CACNG4: variants seen among roughly 807,000 people sequenced by gnomAD.
CACNG4 encodes calcium voltage-gated channel auxiliary subunit gamma 4, also known as voltage-dependent calcium channel gamma-4 subunit.
Under a neutral mutation model 22.9 loss-of-function variants are expected in CACNG4, and 8 were observed. That is an observed-to-expected ratio of 0.35 (90% CI 0.21 to 0.63). CACNG4 has a LOEUF of 0.63. CACNG4 is among the 30% of genes least tolerant of loss of function. The pLI, the probability that CACNG4 is intolerant of heterozygous loss-of-function variation, is 0.72. For missense variants in CACNG4, 357 were observed against 455.4 expected, an observed-to-expected ratio of 0.78 and a Z score of 1.97; for synonymous variants, 188 against 191.9, an observed-to-expected ratio of 0.98 and a Z score of 0.17.
intron 3 of CACNG4, among the ~76,000 whole-genome samples, chr17:67,025,267 G>A (rs574623916): frequency 1.3e-5 from 2 of 152,352 alleles, no homozygotes; most frequent in African/African-American, 4.8e-5. Context: ...AAAGCCACTG[G>A]ATTGTGCCCT....
At chr17:66,972,441 C>G (rs751327188) in intron 1 of CACNG4, among the ~76,000 whole-genome samples, 1 of 152,192 alleles carries the variant, frequency 6.6e-6, no homozygotes, top group African/African-American at 2.4e-5. Context: ...ACCAGTAGCG[C>G]TCCTCCTTCT....
chr17:66,981,936 TA>T lies in CACNG4; in HGVS notation c.220+16814del, dbSNP rs996824559. Among the ~76,000 whole-genome samples the T allele has an allele frequency of 2.0e-3, 304 of 152,096 alleles. 3 individuals carry two copies. The highest frequency in any genetic ancestry group is 6.8e-3 in the Middle Eastern group (2 of 294). ...ATTGCAGAAAGAGAGCTAACTCTTA[TA>T]AAAAAAAATTTTTAGAGATACGGTC... On this transcript the variant is annotated intron_variant, in intron 1 of 3. Transcript: ENST00000262138.
intron 1 of CACNG4, among the ~76,000 whole-genome samples, chr17:66,972,447 C>T (rs1160784708): frequency 1.3e-5 from 2 of 152,234 alleles, no homozygotes; most frequent in Non-Finnish European, 2.9e-5. Context: ...AGCGCTCCTC[C>T]TTCTCCAGCT....
At position 67,030,381 on chromosome 17, in the gene CACNG4, C is replaced by T. The variant is rs2143381570; in HGVS notation, c.446-85C>T. 8.7e-7 allele frequency: 1 copy of T among 1,153,366 alleles called. No homozygotes were observed. The highest frequency in any genetic ancestry group is 1.3e-6 in the Non-Finnish European group (1 of 788,676). The allele number at this position is 1,153,366 out of a possible 1,614,324, so 71.4% of individuals were successfully genotyped here. Reference sequence around the variant, plus strand: ...TCAGAGAGGGGAGTGTCCACCTGTTCCCTACACTGCCCGTCCCACTGTGGG... The same window carrying T: ...TCAGAGAGGGGAGTGTCCACCTGTTTCCTACACTGCCCGTCCCACTGTGGG... On this transcript the variant is annotated intron_variant, in intron 3 of 3. Transcript: ENST00000262138. The surrounding 1 kb of genome is among the most constrained non-coding windows in gnomAD (Gnocchi z 6.4).
At chr17:66,995,716 G>T (rs1331488928) in intron 1 of CACNG4, among the ~76,000 whole-genome samples, 2 of 152,100 alleles carry the variant, frequency 1.3e-5, no homozygotes, top group Non-Finnish European at 1.5e-5. Flanking sequence ...TGGGTGTGAT[G>T]GTGGGCACCT....
chr17:67,025,319 C>T (rs1477380367), intron 3 of CACNG4, among the ~76,000 whole-genome samples: 9 of 152,218 alleles, frequency 5.9e-5, no homozygotes, highest in Admixed American at 4.6e-4. Flanking sequence ...TCACCTCAAC[C>T]GGAAAATAAG....
chr17:66,965,570 G>A (rs1485521510), intron 1 of CACNG4, among the ~76,000 whole-genome samples: 1 of 150,398 alleles, frequency 6.6e-6, no homozygotes, highest in African/African-American at 2.4e-5. Flanking sequence ...ACGGGAGGGG[G>A]GGAGGGGTTG....
chr17:66,982,249 C>G (rs1261763270), intron 1 of CACNG4, among the ~76,000 whole-genome samples: 1 of 152,210 alleles, frequency 6.6e-6, no homozygotes, highest in Non-Finnish European at 1.5e-5. Context: ...CGCCCATGTC[C>G]TGCTGATTGG....
At chr17:67,017,952 C>CCATTA (rs2035510112) in intron 1 of CACNG4, among the ~76,000 whole-genome samples, 1 of 152,132 alleles carries the variant, frequency 6.6e-6, no homozygotes, top group East Asian at 1.9e-4. Flanking sequence ...CTCTCACGTG[C>CCATTA]GTCCACCCTT....
intron 1 of CACNG4, among the ~76,000 whole-genome samples, chr17:66,978,402 AGAGT>A (rs1473595758): frequency 6.6e-6 from 1 of 152,204 alleles, no homozygotes; most frequent in Non-Finnish European, 1.5e-5. Flanking sequence ...GAGGGGACCC[AGAGT>A]GAAGATGGGT....
intron 1 of CACNG4, among the ~76,000 whole-genome samples, chr17:67,004,471 G>A (rs922127197): frequency 6.6e-5 from 10 of 152,128 alleles, no homozygotes; most frequent in Non-Finnish European, 1.3e-4. Context: ...TGGGGCTGGT[G>A]CTCAGCATCC....
At position 67,031,746 on chromosome 17, in the gene CACNG4, G is replaced by A; in HGVS notation, c.*742G>A. On this transcript the variant is annotated 3_prime_UTR_variant, in exon 4 of 4. Coordinates refer to ENST00000262138, the MANE Select transcript of CACNG4 (RefSeq NM_014405.4). The surrounding 1 kb of genome is among the most constrained non-coding windows in gnomAD (Gnocchi z 4.0). ...TTTCTGCCTCACTCAGAATGGGCAG[G>A]ACAGACCCACTGACTGGACTTCAGA... The A allele has an allele frequency of 4.4e-6, 2 of 456,758 alleles. No individual in the cohort carries two copies. The highest frequency in any genetic ancestry group is 7.0e-5 in the East Asian group (1 of 14,380). 28.3% of individuals were successfully genotyped at this position (456,758 alleles called of 1,614,324 possible).
rs187340556 is a variant in CACNG4, at chr17:66,994,435, C to A, written c.221-23754C>A. ...CCTCGCGTGTTTGCCTTGCCCTCAC[C>A]CTGGGAGATAGATCTTGTCATTATC... On this transcript the variant is annotated intron_variant, in intron 1 of 3. Transcript: ENST00000262138. Among the ~76,000 whole-genome samples the A allele has an allele frequency of 3.9e-5, 6 of 152,288 alleles. No individual in the cohort carries two copies. In the East Asian group the frequency reaches 7.7e-4, roughly 20 times the overall value.
At chr17:66,977,951 G>A (rs970540958) in intron 1 of CACNG4, among the ~76,000 whole-genome samples, 3 of 152,154 alleles carry the variant, frequency 2.0e-5, no homozygotes, top group East Asian at 1.9e-4. Context: ...CGTCCTAGAC[G>A]TTAGGGGCTC....
chr17:67,004,375 G>T (rs1002065117), intron 1 of CACNG4, among the ~76,000 whole-genome samples: 3 of 152,174 alleles, frequency 2.0e-5, no homozygotes, highest in Admixed American at 2.0e-4. Context: ...TGGAGGAGGC[G>T]TGAGGCTGGT....
In CACNG4 at chr17:67,024,844, C is replaced by G. The variant is rs773745925; in HGVS notation, c.305-16C>G. The G allele has an allele frequency of 2.0e-6, 3 of 1,522,580 alleles. No individual in the cohort carries two copies. The highest frequency in any genetic ancestry group is 1.3e-5 in the South Asian group (1 of 78,478). 94.3% of individuals were successfully genotyped at this position (1,522,580 alleles called of 1,614,324 possible). On this transcript the variant is annotated splice_polypyrimidine_tract_variant and intron_variant, in intron 2 of 3. Transcript: ENST00000262138. Reference sequence around the variant, plus strand: ...CTCACTGCCCTCTGCTTTGTGCCCCCCACCTCCCCGGCCAGGCATCGTGCG... The same window carrying G: ...CTCACTGCCCTCTGCTTTGTGCCCCGCACCTCCCCGGCCAGGCATCGTGCG...
At chr17:66,974,600 G>A (rs144651063) in intron 1 of CACNG4, among the ~76,000 whole-genome samples, 11 of 152,196 alleles carry the variant, frequency 7.2e-5, no homozygotes, top group African/African-American at 2.4e-4. Flanking sequence ...CCCGCGCAGA[G>A]TGCTCGTTAG....
In CACNG4 at chr17:67,031,230, A is replaced by T. The variant is rs990699787; in HGVS notation, c.*226A>T. The T allele has an allele frequency of 1.5e-6, 1 of 647,386 alleles. No homozygotes were observed. Among genetic ancestry groups the T allele is most frequent in the Non-Finnish European group, 2.8e-6 (1 of 360,064 alleles). The allele number at this position is 647,386 out of a possible 1,614,324, so 40.1% of individuals were successfully genotyped here. A position where few individuals can be genotyped will look rare whatever the true frequency, so the allele number is the denominator to read the frequency against. On this transcript the variant is annotated 3_prime_UTR_variant, in exon 4 of 4. Transcript: ENST00000262138. This position sits in a 1 kb window ranked among gnomAD's most constrained non-coding sequence, Gnocchi z 4.0. ...GCTGACTTTGTCCCCTCCCCGAAAA[A>T]GGGTGTTTTGATGCCTCAGGGTCTC...
intron 3 of CACNG4, among the ~76,000 whole-genome samples, chr17:67,025,733 G>T (rs2035560521): frequency 1.3e-5 from 2 of 152,264 alleles, no homozygotes; most frequent in South Asian, 4.1e-4. Context: ...CTGGCGTGGT[G>T]CCGCACACGT....
Sources: gnomAD v4.1 joint callset for allele counts (sites outside exome capture counted in the v4.1 genomes callset) on GRCh38, gnomAD v4.1.1 for gene constraint, Gnocchi (gnomAD v3.1) non-coding constraint, MANE v1.5 for transcripts, NCBI Gene and HGNC (gene_info 2026-07-23, HGNC 2026-07-21) for gene names.